FMNL2: variants seen among roughly 807,000 people sequenced by gnomAD.
The protein encoded by FMNL2 is formin-like protein 2.
A neutral mutation model predicts 130.2 loss-of-function variants in FMNL2; 51 were observed. The ratio of observed to expected loss-of-function variants is 0.39; its 90% confidence interval spans 0.31 to 0.49. FMNL2 has a LOEUF of 0.49. FMNL2 is among the 20% of genes least tolerant of loss of function. The probability of loss-of-function intolerance (pLI) is 0.85; values close to 1 mark genes in which losing one functional copy is unlikely to be tolerated. For synonymous variants in FMNL2, 465 were observed against 467.1 expected (o/e 1.00, Z 0.06); for missense variants, 977 against 1,316.2 (o/e 0.74, Z 3.99).
chr2:152,472,459 C>T (rs1299044638), intron 1 of FMNL2, among the ~76,000 whole-genome samples: 2 of 152,126 alleles, frequency 1.3e-5, no homozygotes, highest in Admixed American at 6.5e-5. Context: ...CAGACCTGAG[C>T]TCACCTGGCA....
intron 14 of FMNL2, 94 bp from the exon 15 acceptor site, chr2:152,619,415 T>C: frequency 6.6e-7 from 1 of 1,520,488 alleles, no homozygotes; most frequent in Non-Finnish European, 8.8e-7. Flanking sequence ...CTTTTAAGTG[T>C]GTTGTTTTCA....
chr2:152,372,146 G>T (rs1184372330), intron 1 of FMNL2, among the ~76,000 whole-genome samples: 3 of 152,166 alleles, frequency 2.0e-5, no homozygotes, highest in Non-Finnish European at 4.4e-5. Context: ...TCAGGGTAAG[G>T]ATTTTTCCGT....
At chr2:152,352,090 G>A (rs1682522155) in intron 1 of FMNL2, among the ~76,000 whole-genome samples, 1 of 152,150 alleles carries the variant, frequency 6.6e-6, no homozygotes, top group South Asian at 2.1e-4. Flanking sequence ...CTGGAGGATG[G>A]GTGGGAATTT....
chr2:152,540,454 C>CT (rs1352571032), intron 2 of FMNL2, among the ~76,000 whole-genome samples: 1 of 151,936 alleles, frequency 6.6e-6, no homozygotes, highest in Admixed American at 6.6e-5. Context: ...GTGTGCTGTT[C>CT]TTTTTTTAAA....
At chr2:152,418,224 A>G (rs1175945624) in intron 1 of FMNL2, among the ~76,000 whole-genome samples, 3 of 152,040 alleles carry the variant, frequency 2.0e-5, no homozygotes, top group African/African-American at 7.2e-5. Context: ...AGTCCATTGC[A>G]TTTACATGGT....
intron 9 of FMNL2, among the ~76,000 whole-genome samples, chr2:152,606,710 G>C (rs1231776842): frequency 5.4e-5 from 7 of 130,464 alleles, no homozygotes; most frequent in Non-Finnish European, 1.1e-4. Flanking sequence ...GGAGTTACCA[G>C]TATTTTATGT....
At chr2:152,472,412 T>C (rs1487181786) in intron 1 of FMNL2, among the ~76,000 whole-genome samples, 1 of 152,240 alleles carries the variant, frequency 6.6e-6, no homozygotes, top group African/African-American at 2.4e-5. Context: ...AAGATTTTTT[T>C]CTTTTAAAAG....
At position 152,648,373 on chromosome 2, in the gene FMNL2, T is replaced by C. The variant is rs963553604; in HGVS notation, c.*468T>C. The stretch of plus-strand genomic sequence containing the variant: ...GCAATTTGGAAGAAGGAAAGTCACA[T>C]GATGAAACTCCTTTTGTCTATAACC... On this transcript the variant is annotated 3_prime_UTR_variant, in exon 26 of 26. Transcript: ENST00000288670. The C allele has an allele frequency of 6.4e-6, 1 of 155,062 alleles. No homozygotes were observed. The highest frequency in any genetic ancestry group is 2.4e-5 in the African/African-American group (1 of 41,448). The allele number at this position is 155,062 out of a possible 1,614,324, so 9.6% of individuals were successfully genotyped here.
chr2:152,559,667 G>C (rs1695417132), intron 5 of FMNL2, among the ~76,000 whole-genome samples: 1 of 152,218 alleles, frequency 6.6e-6, no homozygotes, highest in African/African-American at 2.4e-5. Flanking sequence ...GATGAGCTGA[G>C]AGGAACACAC....
chr2:152,510,634 TAC>T (rs1692449313), intron 1 of FMNL2, among the ~76,000 whole-genome samples: 1 of 152,254 alleles, frequency 6.6e-6, no homozygotes, highest in Non-Finnish European at 1.5e-5. Flanking sequence ...CAGGATGTCG[TAC>T]ACACAGATGC....
intron 1 of FMNL2, among the ~76,000 whole-genome samples, chr2:152,447,329 C>G (rs1317210742): frequency 6.6e-6 from 1 of 152,146 alleles, no homozygotes; most frequent in Non-Finnish European, 1.5e-5. Context: ...TCTTGAACTC[C>G]TGAGCTCAAG....
At chr2:152,421,645 C>T (rs1371931151) in intron 1 of FMNL2, among the ~76,000 whole-genome samples, 3 of 152,294 alleles carry the variant, frequency 2.0e-5, no homozygotes, top group South Asian at 2.1e-4. Flanking sequence ...CTAGGAACTT[C>T]GAGAAATGTG....
chr2:152,405,222 T>A (rs917729999), intron 1 of FMNL2, among the ~76,000 whole-genome samples: 3 of 152,156 alleles, frequency 2.0e-5, no homozygotes, highest in African/African-American at 7.2e-5. Flanking sequence ...CTGGGCATTA[T>A]CATTAACTAG....
chr2:152,625,671 C>T (rs1053515675), intron 16 of FMNL2, 109 bp downstream of exon 16: 2 of 1,269,064 alleles, frequency 1.6e-6, no homozygotes, highest in Non-Finnish European at 2.1e-6. Context: ...TGTTTTAAGT[C>T]CCCTGATGTA....
chr2:152,480,949 A>T (rs1690485214), intron 1 of FMNL2, among the ~76,000 whole-genome samples: 1 of 152,178 alleles, frequency 6.6e-6, no homozygotes. Context: ...CCTCTCTGTT[A>T]GGCATAATTT....
At chr2:152,643,320 C>A in intron 25 of FMNL2, 1 of 1,491,842 alleles carries the variant, frequency 6.7e-7, no homozygotes, top group Non-Finnish European at 9.0e-7. Flanking sequence ...CCCCCATCCC[C>A]AGGTATGATT....
intron 18 of FMNL2, among the ~76,000 whole-genome samples, chr2:152,629,131 G>A (rs917350761): frequency 4.6e-5 from 7 of 151,926 alleles, no homozygotes; most frequent in African/African-American, 1.7e-4. Flanking sequence ...CTTTGTTACT[G>A]ATTATAGTAG....
At chr2:152,604,241 G>A (rs1488369463) in intron 9 of FMNL2, among the ~76,000 whole-genome samples, 2 of 150,914 alleles carry the variant, frequency 1.3e-5, no homozygotes, top group African/African-American at 4.8e-5. Context: ...CCTCAGGCTG[G>A]CCATCGGGGA....
chr2:152,550,836 T>C (rs1355577821), intron 4 of FMNL2, among the ~76,000 whole-genome samples: 1 of 152,130 alleles, frequency 6.6e-6, no homozygotes, highest in African/African-American at 2.4e-5. Flanking sequence ...TTTCTACAAA[T>C]TGTCAAAAAG....
Sources: allele counts gnomAD v4.1 joint callset (sites outside exome capture counted in the v4.1 genomes callset), GRCh38; gene constraint gnomAD v4.1.1; transcripts MANE v1.5; gene names NCBI Gene and HGNC (gene_info 2026-07-23, HGNC 2026-07-21).